STRA6: variants seen among roughly 807,000 people sequenced by gnomAD.
The protein encoded by STRA6 is receptor for retinol uptake STRA6.
A neutral mutation model predicts 83.6 loss-of-function variants in STRA6; 48 were observed. That is an observed-to-expected ratio of 0.57 (90% confidence interval 0.46 to 0.73). The LOEUF (loss-of-function observed/expected upper bound fraction) is 0.73, where lower values mean the gene tolerates loss of function less well. Among genes scored for constraint, STRA6 ranks in the 30% least tolerant of loss-of-function variants. The probability of loss-of-function intolerance (pLI) is 0.00; values close to 1 mark genes in which losing one functional copy is unlikely to be tolerated. For missense variants in STRA6, 760 were observed against 838.8 expected (o/e 0.91, Z 1.16); for synonymous variants, 353 against 362.3 (o/e 0.97, Z 0.29).
At chr15:74,189,895 A>C (rs995338104) in intron 11 of STRA6, among the ~76,000 whole-genome samples, 33 of 152,048 alleles carry the variant, frequency 2.2e-4, no homozygotes, top group African/African-American at 6.8e-4. Context: ...ATCTCTTGAC[A>C]TTGTGATCCG....
intron 11 of STRA6, among the ~76,000 whole-genome samples, 181 bp from the exon 12 acceptor site, chr15:74,189,458 G>T (rs2073423473): frequency 6.6e-6 from 1 of 152,164 alleles, no homozygotes; most frequent in South Asian, 2.1e-4. Flanking sequence ...ATTACAGACA[G>T]GTGCAATCAC....
chr15:74,190,592 T>C (rs1274054733), intron 11 of STRA6, among the ~76,000 whole-genome samples: 1 of 152,102 alleles, frequency 6.6e-6, no homozygotes, highest in Non-Finnish European at 1.5e-5. Context: ...AGGAGGTAAA[T>C]AGTGGAGCTA....
chr15:74,205,738 G>A (rs2142103684), upstream of STRA6, among the ~76,000 whole-genome samples: 1 of 152,340 alleles, frequency 6.6e-6, no homozygotes. Context: ...CCCAGGCACA[G>A]TCCCTTCCCC....
intron 14 of STRA6, 181 bp from the exon 15 acceptor site, chr15:74,182,641 T>C: frequency 1.7e-6 from 1 of 605,220 alleles, no homozygotes; most frequent in East Asian, 2.8e-5. Flanking sequence ...CTCAGTTTCT[T>C]CCTCTGTAAA....
intron 7 of STRA6, chr15:74,194,765 G>A (rs2073730279): frequency 7.9e-7 from 1 of 1,268,246 alleles, no homozygotes; most frequent in Non-Finnish European, 9.9e-7. Flanking sequence ...ATGAAGTGGT[G>A]AAGCTGGATT....
intron 17 of STRA6, 78 bp downstream of exon 17, chr15:74,181,217 G>A (rs532103784): frequency 2.0e-5 from 31 of 1,577,702 alleles, no homozygotes; most frequent in African/African-American, 1.6e-4. Context: ...CAGCTGGCAC[G>A]GCCCTGGGGC....
At chr15:74,183,737 G>T in intron 14 of STRA6, 119 bp downstream of exon 14, 1 of 1,598,384 alleles carries the variant, frequency 6.3e-7, no homozygotes, top group Non-Finnish European at 8.5e-7. Flanking sequence ...TGCTGCCCCA[G>T]AGCATTCCCA....
At chr15:74,190,125 A>G (rs1037158809) in intron 11 of STRA6, among the ~76,000 whole-genome samples, 1 of 152,184 alleles carries the variant, frequency 6.6e-6, no homozygotes, top group Non-Finnish European at 1.5e-5. Context: ...CCTGGAACCA[A>G]CCCACCTCAG....
Position 74,195,238 on chromosome 15 carries a change from A to C in STRA6, c.597+64T>G. On this transcript the variant is annotated intron_variant, in intron 7 of 18. Coordinates refer to ENST00000395105, the MANE Select transcript of STRA6 (RefSeq NM_022369.4). The stretch of plus-strand genomic sequence containing the variant: ...CATAGAATCAGAGCTCAAAGGAGGC[A>C]CTGTGGTTTGAGTAGGTTGCTCTGT... 7 of 1,590,026 alleles carry C rather than the reference A, an allele frequency of 4.4e-6. No homozygotes were observed. The South Asian group carries it at 7.9e-5, about 18-fold the overall frequency.
rs2072900669 is a variant in STRA6, at chr15:74,180,120, CG to C, written c.1963del (p.Arg655AlafsTer119). On this transcript the variant is annotated frameshift_variant, in exon 19 of 19. Coordinates refer to ENST00000395105, the MANE Select transcript of STRA6 (RefSeq NM_022369.4). LOFTEE classifies it high-confidence loss of function. The part of the protein sequence containing the change: ...LLHNPTLQVF[R>X]KTALLGANGA... ...ATTGGCACCCAACAGGGCCGTCTTG[CG>C]GAAGACCTGCAGGGTTGGGTTGTGC... is the stretch of plus-strand genomic sequence containing the variant. 2.5e-6 allele frequency: 4 copies of C among 1,613,676 alleles called. No individual in the cohort carries two copies. Among genetic ancestry groups the C allele is most frequent in the Non-Finnish European group, 2.5e-6 (3 of 1,179,712 alleles).
At chr15:74,195,077 CTAGACT>C (rs1161996706) in intron 7 of STRA6, 33 of 1,456,748 alleles carry the variant, frequency 2.3e-5, no homozygotes, top group Non-Finnish European at 3.0e-5. Flanking sequence ...CCGCCACCTC[CTAGACT>C]TAAAGTTCCT....
At chr15:74,211,153 GCACA>G (rs71137380), upstream of STRA6, among the ~76,000 whole-genome samples, 104,775 of 148,612 alleles carry the variant, frequency 0.71, 37,724 homozygotes, top group East Asian at 0.98. Context: ...GCACGCACAC[GCACA>G]CACACACACA....
At chr15:74,207,025 A>C (rs2074275236), upstream of STRA6, among the ~76,000 whole-genome samples, 1 of 152,236 alleles carries the variant, frequency 6.6e-6, no homozygotes, top group Non-Finnish European at 1.5e-5. Context: ...TGGGCTTGGC[A>C]CAGAGCTGCT....
chr15:74,180,218 G>T lies in STRA6; in HGVS notation c.1866C>A (p.Asp622Glu). 2 of 1,614,152 alleles carry T rather than the reference G, an allele frequency of 1.2e-6. No individual in the cohort carries two copies. The highest frequency in any genetic ancestry group is 1.7e-6 in the Non-Finnish European group (2 of 1,180,024). The change falls in exon 19 of 19, where the codon GAC (aspartate) becomes GAA (glutamate). Residue 622 changes from aspartate (D) to glutamate (E), a missense_variant. Physicochemically the swap from Asp to Glu is conservative, Grantham distance 45 (BLOSUM62 2). Transcript: ENST00000395105. ...DEGMQLLQTK[D>E]SMAKGARPGA... ...CGGGCCTAGCTCCCTTGGCCATGGA[G>T]TCCTTTGTCTGTAGCAGCTGCATCC...
upstream of STRA6, chr15:74,209,236 G>A (rs7179079): frequency 1.6e-3 from 1,863 of 1,135,544 alleles, 18 homozygotes; most frequent in African/African-American, 0.025. Context: ...CCCCCAAACC[G>A]TTTGCTCGAA....
At position 74,191,531 on chromosome 15, in the gene STRA6, C is replaced by G. The variant is rs768155978; in HGVS notation, c.721-40G>C. The stretch of plus-strand genomic sequence containing the variant: ...AATTGAACAAGCAGATGAGATCTGC[C>G]TCGACCCATTCGTGGGTCCCTGGCT... On this transcript the variant is annotated intron_variant, in intron 8 of 18. Transcript: ENST00000395105. 1.0e-5 allele frequency: 16 copies of G among 1,573,258 alleles called. No homozygotes were observed. In the East Asian group the frequency reaches 2.9e-4, roughly 29 times the overall value.
chr15:74,184,450 C>T (rs886301736), intron 13 of STRA6, among the ~76,000 whole-genome samples: 1 of 152,202 alleles, frequency 6.6e-6, no homozygotes. Flanking sequence ...CGGGCTGCCC[C>T]TTCCACCTGC....
chr15:74,182,563 G>A, intron 14 of STRA6, 103 bp from the exon 15 acceptor site: 1 of 904,094 alleles, frequency 1.1e-6, no homozygotes, highest in Non-Finnish European at 1.8e-6. Context: ...GGCAGGCCTG[G>A]TTTTAGATCT....
At chr15:74,189,898 G>A (rs1035393413) in intron 11 of STRA6, among the ~76,000 whole-genome samples, 6 of 152,094 alleles carry the variant, frequency 3.9e-5, no homozygotes, top group African/African-American at 7.2e-5. Flanking sequence ...TCTTGACATT[G>A]TGATCCGCCC....
Sources: gnomAD v4.1 joint callset for allele counts (sites outside exome capture counted in the v4.1 genomes callset) on GRCh38, gnomAD v4.1.1 for gene constraint, MANE v1.5 for transcripts, NCBI Gene and HGNC (gene_info 2026-07-23, HGNC 2026-07-21) for gene names.